The following RGS7 variants were observed in gnomAD, a reference collection of about 807,000 sequenced individuals.
RGS7 encodes regulator of G-protein signaling 7.
A neutral mutation model predicts 81.1 loss-of-function variants in RGS7; 27 were observed. The ratio of observed to expected loss-of-function variants is 0.33; its 90% CI spans 0.25 to 0.46. The LOEUF is 0.46. RGS7 is among the 20% of genes least tolerant of loss of function. The pLI, the probability that RGS7 is intolerant of heterozygous loss-of-function variation, is 1.00. For synonymous variants in RGS7, 208 were observed against 207.7 expected (o/e 1.00, Z -0.01); for missense variants, 396 against 607.4 (o/e 0.65, Z 3.66).
At chr1:240,889,563 T>C (rs1329226220) in intron 6 of RGS7, among the ~76,000 whole-genome samples, 1 of 152,164 alleles carries the variant, frequency 6.6e-6, no homozygotes, top group Non-Finnish European at 1.5e-5. Flanking sequence ...TTACACGTAA[T>C]TATTTCTCCG....
chr1:241,192,202 G>GTGTGTGTGTGT (rs2072723462), intron 2 of RGS7, among the ~76,000 whole-genome samples: 1 of 131,576 alleles, frequency 7.6e-6, no homozygotes, highest in Non-Finnish European at 1.7e-5. Context: ...GTGTGTGTGT[G>GTGTGTGTGTGT]TGTGTTTTGC....
chr1:241,076,842 C>T (rs1018632586), intron 3 of RGS7, among the ~76,000 whole-genome samples: 7 of 152,296 alleles, frequency 4.6e-5, no homozygotes, highest in Admixed American at 2.0e-4. Context: ...GAAACTCCAA[C>T]GCCTCAAAAG....
At chr1:241,305,314 C>T (rs1001685248) in intron 2 of RGS7, among the ~76,000 whole-genome samples, 3 of 152,144 alleles carry the variant, frequency 2.0e-5, no homozygotes, top group African/African-American at 7.2e-5. Flanking sequence ...ATTGAATCTC[C>T]AGTTTCTAGA....
intron 6 of RGS7, among the ~76,000 whole-genome samples, chr1:240,885,761 G>C (rs1174959312): frequency 3.9e-5 from 6 of 152,176 alleles, no homozygotes; most frequent in African/African-American, 1.2e-4. Context: ...TGGAGGGTGG[G>C]AGGAGGAAGA....
At position 240,834,865 on chromosome 1, in the gene RGS7, G is replaced by A. The variant is rs72754890; in HGVS notation, c.610-7693C>T. On this transcript the variant is annotated intron_variant, in intron 9 of 18. Transcript: ENST00000440928. ...GAAGCCACTGGAGAGTTTTAAACAG[G>A]AGAGTGACTTCATATGATTTATTTT... 5.5e-3 allele frequency among the ~76,000 whole-genome samples: 834 copies of A among 151,550 alleles called. 5 individuals are homozygous for A. Among genetic ancestry groups the A allele is most frequent in the Non-Finnish European group, 8.2e-3 (560 of 67,934 alleles).
At position 240,979,654 on chromosome 1, in the gene RGS7, G is replaced by C. The variant is rs77659725; in HGVS notation, c.226+3425C>G. On this transcript the variant is annotated intron_variant, in intron 4 of 18. Coordinates refer to ENST00000440928, the MANE Select transcript of RGS7 (RefSeq NM_001364886.1). ...AGGTCAGCATGAAAGTTATGAATTGGAGCATTCTCAACATATGTCACTTAG... is the reference window on the plus strand; with the variant it reads ...AGGTCAGCATGAAAGTTATGAATTGCAGCATTCTCAACATATGTCACTTAG... 7.1e-4 allele frequency among the ~76,000 whole-genome samples: 108 copies of C among 152,238 alleles called. 1 individual carries two copies. Among genetic ancestry groups the C allele is most frequent in the African/African-American group, 2.6e-3 (106 of 41,534 alleles).
Position 241,167,643 on chromosome 1 carries a change from T to A in RGS7, c.79-68881A>T, listed in dbSNP as rs546443687. 1.3e-3 allele frequency among the ~76,000 whole-genome samples: 203 copies of A among 152,060 alleles called. 2 individuals carry two copies. The highest frequency in any genetic ancestry group is 4.5e-3 in the African/African-American group (186 of 41,502). On this transcript the variant is annotated intron_variant, in intron 2 of 18. Transcript: ENST00000440928. ...AAGCGATTCTCATGCCTCAGCCTCA[T>A]GAGTAGCTGGGATTACAGGTGCACA... is the stretch of plus-strand genomic sequence containing the variant.
chr1:241,287,365 T>C (rs1002878927), intron 2 of RGS7, among the ~76,000 whole-genome samples: 1 of 152,152 alleles, frequency 6.6e-6, no homozygotes, highest in African/African-American at 2.4e-5. Context: ...TGTGCTGTTC[T>C]TGTGATAGTG....
At position 241,278,714 on chromosome 1, in the gene RGS7, G is replaced by A. The variant is rs144425135; in HGVS notation, c.78+76985C>T. Among the ~76,000 whole-genome samples, 55 of 152,160 alleles carry A rather than the reference G, an allele frequency of 3.6e-4. 1 individual carries two copies. The Middle Eastern group carries it at 0.01, about 28-fold the overall frequency. ...GTGGTTGTTTTGCCCCTCCTGTTGC[G>A]CCGCTAGCATTGAAGATCTACGTTC... On this transcript the variant is annotated intron_variant, in intron 2 of 18. Transcript: ENST00000440928.
chr1:240,965,700 A>G (rs1682175910), intron 4 of RGS7, among the ~76,000 whole-genome samples: 1 of 152,216 alleles, frequency 6.6e-6, no homozygotes, highest in African/African-American at 2.4e-5. Flanking sequence ...TGGGTGGGAC[A>G]GCAGGGGTGT....
chr1:240,928,604 ATTTTTTTTT>A (rs769378768), intron 6 of RGS7, among the ~76,000 whole-genome samples: 6 of 134,922 alleles, frequency 4.4e-5, no homozygotes, highest in Admixed American at 3.8e-4. Flanking sequence ...TTTCTTTATA[ATTTTTTTTT>A]TTTTTTTTTT....
In RGS7 at chr1:241,112,839, G is replaced by C. The variant is rs116087898; in HGVS notation, c.79-14077C>G. Among the ~76,000 whole-genome samples the C allele has an allele frequency of 6.6e-3, 1,000 of 152,286 alleles. 9 individuals carry two copies. The highest frequency in any genetic ancestry group is 0.023 in the African/African-American group (962 of 41,576). ...TGGATTTTATTTTTCAGAAGTATTTGAACAGTGATGTCGATCTTTCTAACC... is the reference window on the plus strand; with the variant it reads ...TGGATTTTATTTTTCAGAAGTATTTCAACAGTGATGTCGATCTTTCTAACC... On this transcript the variant is annotated intron_variant, in intron 2 of 18. Coordinates refer to ENST00000440928, the MANE Select transcript of RGS7 (RefSeq NM_001364886.1).
At chr1:241,344,234 T>A (rs1453772081) in intron 2 of RGS7, among the ~76,000 whole-genome samples, 1 of 152,220 alleles carries the variant, frequency 6.6e-6, no homozygotes, top group Admixed American at 6.5e-5. Context: ...GTTTGAACTA[T>A]GCCACAATGA....
intron 2 of RGS7, 81 bp downstream of exon 2, chr1:241,355,618 T>C (rs2083513022): frequency 3.3e-6 from 4 of 1,209,284 alleles, no homozygotes; most frequent in Admixed American, 1.7e-5. Flanking sequence ...ACAAAGTTGA[T>C]ACATACTCTG....
intron 2 of RGS7, among the ~76,000 whole-genome samples, chr1:241,202,011 G>GAAGAACACACACCCACAC (rs138116326): frequency 6.9e-6 from 1 of 144,970 alleles, no homozygotes; most frequent in Admixed American, 6.9e-5. Context: ...GACACACACA[G>GAAGAACACACACCCACAC]ACACACACAC....
chr1:241,318,510 G>A (rs997081462), intron 2 of RGS7, among the ~76,000 whole-genome samples: 4 of 151,534 alleles, frequency 2.6e-5, no homozygotes, highest in Non-Finnish European at 5.9e-5. Context: ...AGGCTGGAGT[G>A]CAATGGTGCA....
At chr1:240,902,089 G>C (rs1341434183) in intron 6 of RGS7, among the ~76,000 whole-genome samples, 1 of 152,074 alleles carries the variant, frequency 6.6e-6, no homozygotes, top group Admixed American at 6.6e-5. Flanking sequence ...CCCACAAAAT[G>C]GTTTCCATAA....
At position 241,306,650 on chromosome 1, in the gene RGS7, A is replaced by C. The variant is rs563327980; in HGVS notation, c.78+49049T>G. ...TCCACACACATGCACGTACCCTTTC[A>C]CACACAAATACATGTCCACCCAACA... On this transcript the variant is annotated intron_variant, in intron 2 of 18. Transcript: ENST00000440928. Among the ~76,000 whole-genome samples the C allele has an allele frequency of 5.0e-5, 7 of 140,386 alleles. No individual in the cohort carries two copies. In the South Asian group the frequency reaches 1.2e-3, roughly 23 times the overall value. 92.1% of individuals were successfully genotyped at this position (140,386 alleles called of 152,430 possible).
intron 3 of RGS7, among the ~76,000 whole-genome samples, chr1:241,003,637 A>G (rs1011413479): frequency 2.6e-5 from 4 of 152,060 alleles, no homozygotes; most frequent in African/African-American, 9.7e-5. Flanking sequence ...TTGCATCAAA[A>G]CCTAATTACT....
Sources: gnomAD v4.1 joint callset for allele counts (sites outside exome capture counted in the v4.1 genomes callset) on GRCh38, gnomAD v4.1.1 for gene constraint, MANE v1.5 for transcripts, NCBI Gene and HGNC (gene_info 2026-07-23, HGNC 2026-07-21) for gene names.